The following SIPA1L3 variants were observed in gnomAD, a reference collection of about 807,000 sequenced individuals.
The protein encoded by SIPA1L3 is signal induced proliferation associated 1 like 3.
Under a neutral mutation model 150.1 loss-of-function variants are expected in SIPA1L3, and 59 were observed. The observed-to-expected ratio is 0.39, with a 90% confidence interval of 0.32 to 0.49. The LOEUF (loss-of-function observed/expected upper bound fraction) is 0.49, where lower values mean the gene tolerates loss of function less well. Ranked by LOEUF, SIPA1L3 falls within the 20% of genes least tolerant of loss-of-function variation. SIPA1L3 has a pLI of 0.86. For missense variants in SIPA1L3, 2,211 were observed against 2,489.5 expected, an observed-to-expected ratio of 0.89 and a Z score of 2.38; for synonymous variants, 1,070 against 1,077.6, an observed-to-expected ratio of 0.99 and a Z score of 0.14.
intron 9 of SIPA1L3, among the ~76,000 whole-genome samples, chr19:38,125,501 G>A (rs568598871): frequency 2.1e-4 from 32 of 152,208 alleles, no homozygotes; most frequent in East Asian, 5.8e-4. Context: ...TACTGTTGGC[G>A]GAGTCCTTTT....
At chr19:37,921,671 A>G (rs566467177) in intron 1 of SIPA1L3, among the ~76,000 whole-genome samples, 2 of 150,286 alleles carry the variant, frequency 1.3e-5, no homozygotes, top group South Asian at 4.2e-4. Flanking sequence ...CACGATCACA[A>G]CTCACCGCAA....
intron 8 of SIPA1L3, among the ~76,000 whole-genome samples, chr19:38,113,617 AC>A (rs1970817194): frequency 6.6e-6 from 1 of 151,844 alleles, no homozygotes; most frequent in South Asian, 2.1e-4. Flanking sequence ...AAAAAAAAAA[AC>A]CAAAAAAAAC....
At chr19:38,065,702 G>A (rs1725507) in intron 2 of SIPA1L3, among the ~76,000 whole-genome samples, 29,520 of 151,832 alleles carry the variant, frequency 0.19, 3,154 homozygotes, top group African/African-American at 0.28. Context: ...GATTACAGGC[G>A]TGATGCGTTA....
intron 15 of SIPA1L3, among the ~76,000 whole-genome samples, chr19:38,178,093 GTGTGT>G (rs1568594706): frequency 0.12 from 7,633 of 61,180 alleles, 248 homozygotes; most frequent in Middle Eastern, 0.19. Context: ...TTTGGTGTGT[GTGTGT>G]GTGTGTGTGT....
chr19:38,146,049 A>C (rs1450208961), intron 12 of SIPA1L3, among the ~76,000 whole-genome samples: 2 of 152,154 alleles, frequency 1.3e-5, no homozygotes, highest in Admixed American at 6.6e-5. Flanking sequence ...TCTTTCATAG[A>C]GACAAGGTCT....
chr19:38,175,358 TC>T (rs373316069), intron 15 of SIPA1L3, among the ~76,000 whole-genome samples: 1 of 151,926 alleles, frequency 6.6e-6, no homozygotes, highest in African/African-American at 2.4e-5. Context: ...CACCCATTGG[TC>T]CCCTTCAGAG....
chr19:38,062,472 G>C (rs1969466738), intron 2 of SIPA1L3, among the ~76,000 whole-genome samples: 1 of 152,166 alleles, frequency 6.6e-6, no homozygotes. Flanking sequence ...ATGCTGTGTG[G>C]GCTCAGTGGA....
intron 17 of SIPA1L3, 98 bp from the exon 18 acceptor site, chr19:38,193,439 G>A: frequency 7.5e-7 from 1 of 1,331,296 alleles, no homozygotes. Context: ...GGGTAGGTAA[G>A]GACTCGCCAC....
At chr19:38,063,306 G>A (rs551393219) in intron 2 of SIPA1L3, among the ~76,000 whole-genome samples, 1 of 151,468 alleles carries the variant, frequency 6.6e-6, no homozygotes, top group Non-Finnish European at 1.5e-5. Context: ...GCCTTCCCAC[G>A]GCAGGGAGCC....
chr19:38,082,121 G>A lies in SIPA1L3; in HGVS notation c.556G>A (p.Glu186Lys), dbSNP rs1348912493. The A allele has an allele frequency of 1.2e-6, 2 of 1,606,916 alleles. No homozygotes were observed. Among genetic ancestry groups the A allele is most frequent in the Non-Finnish European group, 1.7e-6 (2 of 1,179,046 alleles). ...CGAGTGTGACGCGGAGGACGCGGGG[G>A]AGCCGCGGGGGGCCCGGCACACGGG... The part of the protein sequence containing the change: ...LSECDAEDAG[E>K]PRGARHTGAL... Residue 186 changes from glutamate (E) to lysine (K), a missense_variant, in exon 3 of 22, where the codon GAG becomes AAG. By Grantham distance (56) the Glu-to-Lys change is moderately conservative. Transcript: ENST00000222345.
intron 2 of SIPA1L3, among the ~76,000 whole-genome samples, chr19:38,055,783 T>TC (rs1211806465): frequency 1.1e-4 from 16 of 152,264 alleles, no homozygotes; most frequent in Admixed American, 3.3e-4. Context: ...GTGCCCTGTT[T>TC]CTTCATCTGC....
intron 9 of SIPA1L3, among the ~76,000 whole-genome samples, chr19:38,125,104 C>T (rs1308535051): frequency 6.6e-6 from 1 of 151,758 alleles, no homozygotes; most frequent in East Asian, 2.0e-4. Flanking sequence ...AGAGCGATCT[C>T]GGCTCACTGC....
chr19:37,953,245 G>GA (rs1383489121), intron 1 of SIPA1L3, among the ~76,000 whole-genome samples: 1 of 151,934 alleles, frequency 6.6e-6, no homozygotes, highest in Non-Finnish European at 1.5e-5. Flanking sequence ...TTCCTCTTTG[G>GA]AAAAAAACAT....
intron 1 of SIPA1L3, among the ~76,000 whole-genome samples, chr19:37,992,887 G>A (rs539847200): frequency 1.3e-5 from 2 of 152,266 alleles, no homozygotes; most frequent in East Asian, 3.9e-4. Flanking sequence ...CATTCAGGTC[G>A]CCTACGTGCT....
Position 38,164,874 on chromosome 19 carries a change from G to T in SIPA1L3, c.4176G>T (p.Ala1392=), listed in dbSNP as rs572759177. The change falls in exon 15 of 22, where the codon GCG becomes GCT. Residue 1392 remains alanine (A), a synonymous_variant. Coordinates refer to ENST00000222345, the MANE Select transcript of SIPA1L3 (RefSeq NM_015073.3). This position sits in a 1 kb window ranked among gnomAD's most constrained non-coding sequence, Gnocchi z 4.1. ...GCTCCAGCACCCCCACGGGACTGGC[G>T]GGGGGCAGCCGAGACCCACCGAGGC... is the stretch of plus-strand genomic sequence containing the variant. ...SSGSSTPTGL[A]GGSRDPPRQP... The T allele has an allele frequency of 6.4e-7, 1 of 1,566,422 alleles. No homozygotes were observed.
chr19:38,098,438 G>T (rs993298625), intron 4 of SIPA1L3, among the ~76,000 whole-genome samples: 1 of 142,392 alleles, frequency 7.0e-6, no homozygotes, highest in African/African-American at 2.7e-5. Context: ...TCTGTCACCC[G>T]GGCTGGAGTG....
intron 4 of SIPA1L3, among the ~76,000 whole-genome samples, chr19:38,092,187 G>C (rs1280972347): frequency 6.6e-6 from 1 of 152,014 alleles, no homozygotes; most frequent in Non-Finnish European, 1.5e-5. Context: ...TTCAAGACCA[G>C]CCTAGGCACC....
chr19:38,060,748 A>C (rs771803852), intron 2 of SIPA1L3, among the ~76,000 whole-genome samples: 1 of 152,132 alleles, frequency 6.6e-6, no homozygotes, highest in African/African-American at 2.4e-5. Context: ...CTGGAGTGCA[A>C]TGGCCTGATT....
intron 1 of SIPA1L3, among the ~76,000 whole-genome samples, chr19:37,979,071 A>G (rs966585264): frequency 2.7e-4 from 41 of 152,148 alleles, no homozygotes; most frequent in African/African-American, 9.7e-4. Context: ...TTCAGAAGTC[A>G]TGAGTACAAG....
Sources: allele counts gnomAD v4.1 joint callset (sites outside exome capture counted in the v4.1 genomes callset), GRCh38; gene constraint gnomAD v4.1.1; non-coding constraint Gnocchi (gnomAD v3.1); transcripts MANE v1.5; gene names NCBI Gene and HGNC (gene_info 2026-07-23, HGNC 2026-07-21).